ERBB4: variants seen among roughly 807,000 people sequenced by gnomAD.
ERBB4 encodes the protein receptor tyrosine-protein kinase erbB-4.
In ERBB4, 42 loss-of-function variants were observed where a neutral mutation model predicts 158.0. That is an observed-to-expected ratio of 0.27 (90% CI 0.21 to 0.34). The LOEUF (loss-of-function observed/expected upper bound fraction) is 0.34. ERBB4 is among the 10% of genes least tolerant of loss of function. The probability of loss-of-function intolerance (pLI) is 1.00; values close to 1 mark genes in which losing one functional copy is unlikely to be tolerated. For missense variants in ERBB4, 1,333 were observed against 1,624.1 expected, an observed-to-expected ratio of 0.82 and a Z score of 3.08; for synonymous variants, 583 against 558.7, an observed-to-expected ratio of 1.04 and a Z score of -0.61.
At chr2:212,049,532 C>T (rs1304362879) in intron 2 of ERBB4, among the ~76,000 whole-genome samples, 3 of 152,050 alleles carry the variant, frequency 2.0e-5, no homozygotes, top group Non-Finnish European at 4.4e-5. Context: ...AGGCTATAAA[C>T]TACGTTATGA....
chr2:211,474,611 G>A (rs151005194), intron 20 of ERBB4, among the ~76,000 whole-genome samples: 117 of 152,128 alleles, frequency 7.7e-4, no homozygotes, highest in Non-Finnish European at 1.3e-3. Flanking sequence ...AACCTGGAAA[G>A]ACAATGTATT....
intron 3 of ERBB4, among the ~76,000 whole-genome samples, chr2:211,832,576 G>A (rs1054319380): frequency 2.7e-5 from 4 of 150,698 alleles, no homozygotes; most frequent in Non-Finnish European, 4.4e-5. Context: ...GTATGTGTGT[G>A]TGTATATATA....
intron 12 of ERBB4, among the ~76,000 whole-genome samples, chr2:211,687,363 T>C (rs974336540): frequency 3.3e-5 from 5 of 150,930 alleles, no homozygotes; most frequent in Non-Finnish European, 7.4e-5. Flanking sequence ...CAATATTGCC[T>C]AGTATCTATC....
intron 3 of ERBB4, among the ~76,000 whole-genome samples, chr2:211,895,666 CT>C (rs2079079334): frequency 6.6e-6 from 1 of 152,072 alleles, no homozygotes; most frequent in Non-Finnish European, 1.5e-5. Flanking sequence ...GTTCTTTAAC[CT>C]TACATACATC....
At chr2:212,246,169 C>A (rs2084301026) in intron 1 of ERBB4, among the ~76,000 whole-genome samples, 1 of 152,146 alleles carries the variant, frequency 6.6e-6, no homozygotes, top group South Asian at 2.1e-4. Context: ...AATGACAGTT[C>A]ACGTGTATCT....
intron 20 of ERBB4, among the ~76,000 whole-genome samples, chr2:211,556,539 G>A (rs2067241823): frequency 6.6e-6 from 1 of 151,638 alleles, no homozygotes; most frequent in African/African-American, 2.4e-5. Context: ...AACTTTTTGT[G>A]GGTACATAGG....
intron 1 of ERBB4, among the ~76,000 whole-genome samples, chr2:212,286,807 C>T (rs1378592063): frequency 1.5e-5 from 1 of 67,450 alleles, no homozygotes; most frequent in African/African-American, 6.2e-5. Flanking sequence ...ACGGGATTTC[C>T]GCCATGTTGC....
intron 1 of ERBB4, among the ~76,000 whole-genome samples, chr2:212,292,265 G>A (rs1419685925): frequency 6.6e-6 from 1 of 151,728 alleles, no homozygotes; most frequent in East Asian, 1.9e-4. Context: ...TTGATAATTG[G>A]AAAGATGCTT....
Position 211,380,997 on chromosome 2 carries a change from A to G in ERBB4, c.*2618T>C, listed in dbSNP as rs2062565910. ...CCAAAAAGAGGGCTGTGATGACTCGATGCAGATTTATTTAGAAAGGGAGGC... is the reference window on the plus strand; with the variant it reads ...CCAAAAAGAGGGCTGTGATGACTCGGTGCAGATTTATTTAGAAAGGGAGGC... On this transcript the variant is annotated 3_prime_UTR_variant, in exon 28 of 28. Coordinates refer to ENST00000342788, the MANE Select transcript of ERBB4 (RefSeq NM_005235.3). 1 of 232,346 alleles carries G rather than the reference A, an allele frequency of 4.3e-6. No individual in the cohort carries two copies. Among genetic ancestry groups the G allele is most frequent in the African/African-American group, 2.2e-5 (1 of 45,312 alleles). The allele number at this position is 232,346 out of a possible 1,614,324, so 14.4% of individuals were successfully genotyped here.
At chr2:211,475,135 C>T (rs1348332060) in intron 20 of ERBB4, among the ~76,000 whole-genome samples, 1 of 151,918 alleles carries the variant, frequency 6.6e-6, no homozygotes, top group South Asian at 2.1e-4. Flanking sequence ...GTAAATAGCA[C>T]AGTAAATGTT....
intron 2 of ERBB4, among the ~76,000 whole-genome samples, chr2:212,121,701 C>T (rs955057591): frequency 1.8e-4 from 28 of 151,558 alleles, no homozygotes; most frequent in Non-Finnish European, 4.1e-4. Flanking sequence ...CAACACTATA[C>T]TATAGATTCC....
In ERBB4 at chr2:211,735,022, C is replaced by T. The variant is rs187597630; in HGVS notation, c.623-9828G>A. 3.3e-4 allele frequency among the ~76,000 whole-genome samples: 49 copies of T among 149,538 alleles called. 1 individual carries two copies. The East Asian group carries it at 9.8e-3, about 30-fold the overall frequency. ...GTGATAGACGAATAGACATGGCATA[C>T]ATATTTTTGTAAAACACACAGAACA... On this transcript the variant is annotated intron_variant, in intron 5 of 27. Coordinates refer to ENST00000342788, the MANE Select transcript of ERBB4 (RefSeq NM_005235.3).
intron 2 of ERBB4, among the ~76,000 whole-genome samples, chr2:212,037,727 A>G (rs533148514): frequency 6.6e-6 from 1 of 152,328 alleles, no homozygotes; most frequent in South Asian, 2.1e-4. Flanking sequence ...AACTTTTTGA[A>G]GTCAGGGGAA....
At chr2:212,158,830 A>T (rs2081118120) in intron 1 of ERBB4, among the ~76,000 whole-genome samples, 1 of 152,022 alleles carries the variant, frequency 6.6e-6, no homozygotes. Flanking sequence ...AAGAATAAGA[A>T]ATGCCTGTCA....
intron 1 of ERBB4, among the ~76,000 whole-genome samples, chr2:212,389,861 T>G (rs1443530580): frequency 6.6e-6 from 1 of 151,924 alleles, no homozygotes; most frequent in Non-Finnish European, 1.5e-5. Context: ...CAGGTGAAAT[T>G]CAGCTGATGT....
At chr2:212,217,154 G>A (rs528673534) in intron 1 of ERBB4, among the ~76,000 whole-genome samples, 1 of 151,318 alleles carries the variant, frequency 6.6e-6, no homozygotes, top group Non-Finnish European at 1.5e-5. Flanking sequence ...ATTGACTGTT[G>A]TTTTGACAGT....
chr2:211,654,408 A>T (rs1439052557), intron 16 of ERBB4, among the ~76,000 whole-genome samples: 1 of 152,238 alleles, frequency 6.6e-6, no homozygotes, highest in East Asian at 1.9e-4. Flanking sequence ...CCTAAAAGGA[A>T]CAATTAACTA....
intron 3 of ERBB4, among the ~76,000 whole-genome samples, chr2:211,913,615 A>ATGTGTGTG (rs572744537): frequency 1.9e-5 from 2 of 102,742 alleles, no homozygotes; most frequent in Admixed American, 1.2e-4. Flanking sequence ...AAATATATAT[A>ATGTGTGTG]TATATGTGTG....
intron 3 of ERBB4, among the ~76,000 whole-genome samples, chr2:211,808,566 C>A (rs1410694972): frequency 2.6e-5 from 4 of 152,172 alleles, no homozygotes; most frequent in Non-Finnish European, 5.9e-5. Context: ...TAGCGTGATG[C>A]TTTCAGCTTT....
Sources: allele counts gnomAD v4.1 joint callset (sites outside exome capture counted in the v4.1 genomes callset), GRCh38; gene constraint gnomAD v4.1.1; transcripts MANE v1.5; gene names NCBI Gene and HGNC (gene_info 2026-07-23, HGNC 2026-07-21).